The following YIPF1 variants were observed in gnomAD, a reference collection of about 807,000 sequenced individuals.
The protein encoded by YIPF1 is protein YIPF1.
In YIPF1, 22 loss-of-function variants were observed where a neutral mutation model predicts 37.0. That is an observed-to-expected ratio of 0.59 (90% CI 0.42 to 0.85). YIPF1 has a LOEUF of 0.85. YIPF1 is among the 40% of genes least tolerant of loss of function. YIPF1 has a pLI of 0.00. For synonymous variants in YIPF1, 128 were observed against 131.9 expected (o/e 0.97, Z 0.21); for missense variants, 355 against 373.1 (o/e 0.95, Z 0.40).
intron 4 of YIPF1, among the ~76,000 whole-genome samples, chr1:53,882,355 CA>C (rs1176393515): frequency 6.6e-6 from 1 of 152,084 alleles, no homozygotes; most frequent in Admixed American, 6.5e-5. Context: ...TAAAGAAAAA[CA>C]TTTTCACAAT....
intron 4 of YIPF1, among the ~76,000 whole-genome samples, chr1:53,882,292 G>C (rs1376613908): frequency 6.6e-6 from 1 of 152,046 alleles, no homozygotes; most frequent in African/African-American, 2.4e-5. Context: ...TAACAAACCT[G>C]TACCTCCTGC....
chr1:53,889,188 G>A (rs1449071239), intron 2 of YIPF1, 56 bp downstream of exon 2: 2 of 411,790 alleles, frequency 4.9e-6, no homozygotes, highest in Non-Finnish European at 8.9e-6. Flanking sequence ...GGGATCCAAA[G>A]GTTCCAATTC....
chr1:53,881,244 C>CAAAAAAAA (rs747288925), intron 4 of YIPF1, among the ~76,000 whole-genome samples: 1 of 96,304 alleles, frequency 1.0e-5, no homozygotes, highest in Non-Finnish European at 2.1e-5. Context: ...GACTCCATCT[C>CAAAAAAAA]AAAAAAAAAA....
At chr1:53,864,322 A>G (rs1649963497) in intron 9 of YIPF1, among the ~76,000 whole-genome samples, 1 of 152,252 alleles carries the variant, frequency 6.6e-6, no homozygotes, top group Non-Finnish European at 1.5e-5. Flanking sequence ...TTAAGGGATC[A>G]ACTCAGAGAT....
chr1:53,876,648 T>C (rs553550592), intron 6 of YIPF1, among the ~76,000 whole-genome samples: 1 of 152,332 alleles, frequency 6.6e-6, no homozygotes, highest in Admixed American at 6.5e-5. Flanking sequence ...GATTTGAAAA[T>C]TGAGCCCAGC....
At chr1:53,857,161 T>C (rs1438160093) in intron 10 of YIPF1, among the ~76,000 whole-genome samples, 1 of 152,196 alleles carries the variant, frequency 6.6e-6, no homozygotes, top group African/African-American at 2.4e-5. Context: ...CCTTGTGAGT[T>C]GGGAGGCAGA....
chr1:53,881,903 T>C (rs936295850), intron 4 of YIPF1, among the ~76,000 whole-genome samples: 1 of 152,190 alleles, frequency 6.6e-6, no homozygotes, highest in Admixed American at 6.5e-5. Flanking sequence ...TAAAGATACA[T>C]GCACATTTAT....
At chr1:53,880,018 A>T (rs1183348353) in intron 4 of YIPF1, among the ~76,000 whole-genome samples, 3 of 152,194 alleles carry the variant, frequency 2.0e-5, no homozygotes, top group African/African-American at 7.2e-5. Context: ...CCTATTCAAT[A>T]GTATTAGAAG....
At chr1:53,881,506 C>T (rs1399909705) in intron 4 of YIPF1, among the ~76,000 whole-genome samples, 3 of 151,950 alleles carry the variant, frequency 2.0e-5, no homozygotes, top group Non-Finnish European at 2.9e-5. Flanking sequence ...CTACAAAGTA[C>T]TTAAGCAAAT....
At chr1:53,869,160 T>TCTCTCACACACACA (rs911930860) in intron 7 of YIPF1, among the ~76,000 whole-genome samples, 4 of 137,982 alleles carry the variant, frequency 2.9e-5, no homozygotes, top group African/African-American at 1.1e-4. Flanking sequence ...TCTCTCTCTC[T>TCTCTCACACACACA]CACACACACA....
In YIPF1 at chr1:53,865,230, T is replaced by G. The variant is rs143828894; in HGVS notation, c.831+970A>C. 2.0e-5 allele frequency among the ~76,000 whole-genome samples: 3 copies of G among 152,258 alleles called. No homozygotes were observed. The East Asian group carries it at 5.8e-4, about 29-fold the overall frequency. On this transcript the variant is annotated intron_variant, in intron 9 of 10. Transcript: ENST00000072644. ...AATAAAACTTTAAATTTCAAAAATC[T>G]TTCTAGGTATGTGCAGAAAATCAGC...
chr1:53,858,836 G>A (rs906536018), intron 10 of YIPF1, among the ~76,000 whole-genome samples: 4 of 152,116 alleles, frequency 2.6e-5, no homozygotes, highest in African/African-American at 7.2e-5. Context: ...GGGTTTTGCC[G>A]CATTGCCCAG....
At chr1:53,880,115 A>G (rs550661597) in intron 4 of YIPF1, among the ~76,000 whole-genome samples, 1 of 152,286 alleles carries the variant, frequency 6.6e-6, no homozygotes, top group Admixed American at 6.5e-5. Context: ...AGTAAGTCAA[A>G]TCACCTTTGT....
At chr1:53,860,202 GGTAA>G in intron 9 of YIPF1, 49 bp from the exon 10 acceptor site, 1 of 1,590,134 alleles carries the variant, frequency 6.3e-7, no homozygotes, top group Non-Finnish European at 8.6e-7. Context: ...CAGTGGTCCG[GGTAA>G]GTGTTTTTTT....
intron 2 of YIPF1, 28 bp from the exon 3 acceptor site, chr1:53,889,014 T>C (rs374457480): frequency 1.4e-4 from 181 of 1,286,758 alleles, no homozygotes; most frequent in Non-Finnish European, 1.8e-4. Flanking sequence ...GTAAACATAA[T>C]AGGATGACAG....
intron 4 of YIPF1, among the ~76,000 whole-genome samples, chr1:53,880,067 G>C: frequency 6.6e-6 from 1 of 151,844 alleles, no homozygotes; most frequent in East Asian, 1.9e-4. Context: ...ACAAATAAAG[G>C]GTATTCAAAT....
At chr1:53,875,421 G>C (rs1315477332) in intron 6 of YIPF1, among the ~76,000 whole-genome samples, 80 of 152,280 alleles carry the variant, frequency 5.3e-4, no homozygotes, top group Non-Finnish European at 4.4e-5. Flanking sequence ...AAGATGAGGT[G>C]GGGGAGGATG....
chr1:53,863,611 C>T (rs185899853), intron 9 of YIPF1, among the ~76,000 whole-genome samples: 12 of 152,296 alleles, frequency 7.9e-5, no homozygotes, highest in African/African-American at 2.4e-5. Flanking sequence ...TTCAGAATTA[C>T]GCTCTTTTAG....
At chr1:53,879,617 C>T (rs1650433298) in intron 4 of YIPF1, among the ~76,000 whole-genome samples, 1 of 152,212 alleles carries the variant, frequency 6.6e-6, no homozygotes, top group African/African-American at 2.4e-5. Context: ...GGAATTGTGC[C>T]TGTCATCTTC....
Sources: allele counts gnomAD v4.1 joint callset (sites outside exome capture counted in the v4.1 genomes callset), GRCh38; gene constraint gnomAD v4.1.1; transcripts MANE v1.5; gene names NCBI Gene and HGNC (gene_info 2026-07-23, HGNC 2026-07-21).